The following GATAD2B variants were observed in gnomAD, a reference collection of about 807,000 sequenced individuals.
GATAD2B encodes the protein GATA zinc finger domain containing 2B.
A neutral mutation model predicts 64.3 loss-of-function variants in GATAD2B; 8 were observed. The observed-to-expected ratio is 0.12, with a 90% confidence interval of 0.07 to 0.22. GATAD2B has a LOEUF of 0.22. Ranked by LOEUF, GATAD2B falls within the 10% of genes least tolerant of loss-of-function variation. The pLI is 1.00. For synonymous variants in GATAD2B, 281 were observed against 271.3 expected, an observed-to-expected ratio of 1.04 and a Z score of -0.35; for missense variants, 453 against 752.0, an observed-to-expected ratio of 0.60 and a Z score of 4.65.
chr1:153,860,709 G>A (rs1676251494), intron 1 of GATAD2B, among the ~76,000 whole-genome samples: 1 of 152,124 alleles, frequency 6.6e-6, no homozygotes, highest in South Asian at 2.1e-4. Flanking sequence ...CACCCAGGCT[G>A]GAGTGCCGTG....
rs112309624 is a variant in GATAD2B, at chr1:153,889,276, G to A, written c.-2+33457C>T. On this transcript the variant is annotated intron_variant, in intron 1 of 10. Transcript: ENST00000368655. ...AAAAATACAAAATTAGCAGGGCGTG[G>A]TGGCACATCCCTGTAATCCCAGCTA... 8.7e-3 allele frequency among the ~76,000 whole-genome samples: 1,328 copies of A among 151,906 alleles called. 14 individuals carry two copies. The highest frequency in any genetic ancestry group is 0.044 in the Middle Eastern group (13 of 294).
chr1:153,881,353 C>CT (rs1677004740), intron 1 of GATAD2B, among the ~76,000 whole-genome samples: 1 of 152,130 alleles, frequency 6.6e-6, no homozygotes, highest in African/African-American at 2.4e-5. Flanking sequence ...AAGAGAAAAC[C>CT]TTAATAAAAC....
intron 1 of GATAD2B, among the ~76,000 whole-genome samples, chr1:153,894,657 T>C (rs1234887527): frequency 6.7e-6 from 1 of 149,906 alleles, no homozygotes; most frequent in East Asian, 2.0e-4. Context: ...GGTCAGAAGA[T>C]TGAGACCATC....
chr1:153,905,750 T>G (rs931682651), intron 1 of GATAD2B, among the ~76,000 whole-genome samples: 1 of 123,470 alleles, frequency 8.1e-6, no homozygotes, highest in Non-Finnish European at 1.7e-5. Context: ...CTGGGCAACA[T>G]AGCAAGAACC....
At chr1:153,828,878 T>C (rs1674980469) in intron 1 of GATAD2B, among the ~76,000 whole-genome samples, 1 of 152,152 alleles carries the variant, frequency 6.6e-6, no homozygotes, top group South Asian at 2.1e-4. Context: ...ATCATTATCT[T>C]CCCTTTTCAC....
chr1:153,829,496 G>A (rs1675002985), intron 1 of GATAD2B, among the ~76,000 whole-genome samples: 1 of 152,122 alleles, frequency 6.6e-6, no homozygotes, highest in African/African-American at 2.4e-5. Context: ...CCAGCATTTT[G>A]GGAGGCCGAG....
At chr1:153,833,991 T>G (rs79278658) in intron 1 of GATAD2B, among the ~76,000 whole-genome samples, 6 of 149,132 alleles carry the variant, frequency 4.0e-5, no homozygotes, top group African/African-American at 1.2e-4. Context: ...TTTTTTTATG[T>G]TTTTTTTTGG....
Position 153,842,907 on chromosome 1 carries a change from G to A in GATAD2B, c.-1-14559C>T, listed in dbSNP as rs1020619114. ...TGACCTCAGGTGATCTGCCCGCCTC[G>A]GCCTCCCAAAGTGCTGGGATTACAG... On this transcript the variant is annotated intron_variant, in intron 1 of 10. Transcript: ENST00000368655. 3.3e-5 allele frequency among the ~76,000 whole-genome samples: 5 copies of A among 150,404 alleles called. No individual in the cohort carries two copies. In the South Asian group the frequency reaches 6.3e-4, roughly 19 times the overall value.
At chr1:153,839,513 T>A (rs1256706989) in intron 1 of GATAD2B, among the ~76,000 whole-genome samples, 1 of 152,124 alleles carries the variant, frequency 6.6e-6, no homozygotes, top group Non-Finnish European at 1.5e-5. Context: ...TTCTCAAAAA[T>A]GATGAAAGTG....
chr1:153,919,310 C>T (rs961677028), intron 1 of GATAD2B, among the ~76,000 whole-genome samples: 1 of 152,178 alleles, frequency 6.6e-6, no homozygotes, highest in Non-Finnish European at 1.5e-5. Flanking sequence ...TACCAAGCCA[C>T]CATCTAAATA....
chr1:153,879,170 G>A (rs1235219952), intron 1 of GATAD2B, among the ~76,000 whole-genome samples: 1 of 152,058 alleles, frequency 6.6e-6, no homozygotes, highest in Non-Finnish European at 1.5e-5. Context: ...CTTATCTCCT[G>A]ACCTCGTGAT....
At chr1:153,837,846 T>C (rs1331774947) in intron 1 of GATAD2B, among the ~76,000 whole-genome samples, 1 of 152,252 alleles carries the variant, frequency 6.6e-6, no homozygotes, top group African/African-American at 2.4e-5. Context: ...AAATGAATGT[T>C]GCATATTGCC....
chr1:153,900,935 C>T (rs898546662), intron 1 of GATAD2B, among the ~76,000 whole-genome samples: 1 of 151,960 alleles, frequency 6.6e-6, no homozygotes, highest in Non-Finnish European at 1.5e-5. Flanking sequence ...AAAAACTGGC[C>T]AGGCGTGGTG....
At chr1:153,888,595 C>T (rs1458136221) in intron 1 of GATAD2B, among the ~76,000 whole-genome samples, 1 of 152,184 alleles carries the variant, frequency 6.6e-6, no homozygotes, top group Non-Finnish European at 1.5e-5. Context: ...TTTCTGACAA[C>T]AAAAATTAAA....
chr1:153,824,369 C>T (rs1674794004), intron 2 of GATAD2B, among the ~76,000 whole-genome samples: 1 of 152,094 alleles, frequency 6.6e-6, no homozygotes, highest in Non-Finnish European at 1.5e-5. Flanking sequence ...GTGGCTCACG[C>T]CCATAATCCC....
In GATAD2B at chr1:153,848,019, A is replaced by G. The variant is rs182194485; in HGVS notation, c.-1-19671T>C. ...CAATTCCCAAAGATTTGATTTAATC[A>G]GTCTGCCATTGAACTCATGCAGCTA... On this transcript the variant is annotated intron_variant, in intron 1 of 10. Transcript: ENST00000368655. Among the ~76,000 whole-genome samples, 7 of 152,342 alleles carry G rather than the reference A, an allele frequency of 4.6e-5. No homozygotes were observed. In the East Asian group the frequency reaches 1.4e-3, roughly 29 times the overall value.
intron 2 of GATAD2B, among the ~76,000 whole-genome samples, chr1:153,827,072 C>T (rs1674906587): frequency 6.6e-6 from 1 of 150,658 alleles, no homozygotes; most frequent in Non-Finnish European, 1.5e-5. Flanking sequence ...ATGGCAAAAA[C>T]CTGTTTCTAT....
intron 1 of GATAD2B, among the ~76,000 whole-genome samples, chr1:153,862,202 A>T (rs1203203551): frequency 6.9e-6 from 1 of 143,984 alleles, no homozygotes; most frequent in Non-Finnish European, 1.5e-5. Flanking sequence ...AGCTCACTGC[A>T]AACTCCACCT....
At chr1:153,826,218 T>C (rs962217057) in intron 2 of GATAD2B, among the ~76,000 whole-genome samples, 1 of 152,024 alleles carries the variant, frequency 6.6e-6, no homozygotes, top group African/African-American at 2.4e-5. Flanking sequence ...TTAGCCAGGA[T>C]GGTCTCGATC....
Sources: gnomAD v4.1 joint callset for allele counts (sites outside exome capture counted in the v4.1 genomes callset) on GRCh38, gnomAD v4.1.1 for gene constraint, MANE v1.5 for transcripts, NCBI Gene and HGNC (gene_info 2026-07-23, HGNC 2026-07-21) for gene names.